DPP4: variants seen among roughly 807,000 people sequenced by gnomAD.
DPP4 encodes dipeptidyl peptidase 4, also known as ADCP-2.
A neutral mutation model predicts 122.4 loss-of-function variants in DPP4; 93 were observed. The observed-to-expected ratio is 0.76, with a 90% CI of 0.64 to 0.90. The LOEUF is 0.90. DPP4 is among the 40% of genes least tolerant of loss of function. The probability of loss-of-function intolerance (pLI) is 0.00; values close to 1 mark genes in which losing one functional copy is unlikely to be tolerated. For synonymous variants in DPP4, 321 were observed against 302.9 expected (o/e 1.06, Z -0.62); for missense variants, 914 against 907.3 (o/e 1.01, Z -0.09).
chr2:162,008,125 A>C (rs989601049), intron 22 of DPP4, among the ~76,000 whole-genome samples: 6 of 152,094 alleles, frequency 3.9e-5, no homozygotes, highest in African/African-American at 1.4e-4. Context: ...ATGAAAAAAA[A>C]CAACAACCCC....
At chr2:162,016,211 A>G (rs1281024862) in intron 18 of DPP4, among the ~76,000 whole-genome samples, 6 of 152,230 alleles carry the variant, frequency 3.9e-5, no homozygotes, top group African/African-American at 7.2e-5. Flanking sequence ...AAAGAAAAAC[A>G]AACAATAAAT....
At chr2:162,025,912 C>T (rs1162162745) in intron 10 of DPP4, among the ~76,000 whole-genome samples, 3 of 152,132 alleles carry the variant, frequency 2.0e-5, no homozygotes, top group Non-Finnish European at 2.9e-5. Context: ...CCCTCTCCTT[C>T]ACAGGCTGGA....
At position 162,020,292 on chromosome 2, in the gene DPP4, C is replaced by G; in HGVS notation, c.1181G>C (p.Cys394Ser). The change falls in exon 14 of 26, where the codon TGC becomes TCC. Residue 394 changes from cysteine (C) to serine (S), a missense_variant. Physicochemically the swap from Cys to Ser is moderately radical, Grantham distance 112. Coordinates refer to ENST00000360534, the MANE Select transcript of DPP4 (RefSeq NM_001935.4). ...ICYFQIDKKD[C>S]TFITKGTWEV... The stretch of plus-strand genomic sequence containing the variant: ...CCAGGTGCCTTTTGTAATAAATGTG[C>G]AGTCCTGATGGTTTTTTTTTTTTTT... 1 of 1,573,824 alleles carries G rather than the reference C, an allele frequency of 6.4e-7. No homozygotes were observed. Among genetic ancestry groups the G allele is most frequent in the Admixed American group, 1.8e-5 (1 of 56,252 alleles).
At chr2:162,031,064 C>A (rs1487210391) in intron 10 of DPP4, among the ~76,000 whole-genome samples, 1 of 152,248 alleles carries the variant, frequency 6.6e-6, no homozygotes, top group Non-Finnish European at 1.5e-5. Context: ...GAGCACTGAG[C>A]ACAGTCCCAG....
Position 162,018,796 on chromosome 2 carries a change from C to T in DPP4, c.1353G>A (p.Pro451=). ...KVTCLSCELN[P]ERCQYYSVSF... ...ACACAGAATAGTACTGACACCTTTCCGGATTCAGCTCACAACTGAGGCATG... is the reference window on the plus strand; with the variant it reads ...ACACAGAATAGTACTGACACCTTTCTGGATTCAGCTCACAACTGAGGCATG... The change falls in exon 16 of 26, where the codon CCG becomes CCA. Residue 451 remains proline, a synonymous_variant. Transcript: ENST00000360534. The T allele has an allele frequency of 1.9e-6, 3 of 1,614,102 alleles. No individual in the cohort carries two copies. The highest frequency in any genetic ancestry group is 1.1e-5 in the South Asian group (1 of 91,064).
intron 2 of DPP4, among the ~76,000 whole-genome samples, chr2:162,055,541 C>CA (rs1431945071): frequency 6.6e-6 from 1 of 151,114 alleles, no homozygotes; most frequent in South Asian, 2.1e-4. Context: ...TACTAAAATA[C>CA]AAAAAAAAGT....
intron 4 of DPP4, among the ~76,000 whole-genome samples, chr2:162,046,325 G>A (rs150078573): frequency 4.6e-5 from 7 of 152,200 alleles, no homozygotes; most frequent in South Asian, 4.2e-4. Flanking sequence ...GAGAATTGTC[G>A]CCAACTATGG....
At position 162,022,770 on chromosome 2, in the gene DPP4, A is replaced by G. The variant is rs1476219375; in HGVS notation, c.1053T>C (p.Thr351=). The stretch of plus-strand genomic sequence containing the variant: ...TAACACTTACTCTTCCAACCCAGCC[A>G]GTAGTACTCATTTCAATGTGTTGCC... ...VARQHIEMST[T]GWVGRFRPSE... is the part of the protein sequence containing the mutation. The change falls in exon 12 of 26, where the codon ACT becomes ACC. Residue 351 remains threonine, a synonymous_variant. Coordinates refer to ENST00000360534, the MANE Select transcript of DPP4 (RefSeq NM_001935.4). The G allele has an allele frequency of 1.9e-6, 3 of 1,613,978 alleles. No individual in the cohort carries two copies. The highest frequency in any genetic ancestry group is 2.5e-6 in the Non-Finnish European group (3 of 1,180,010).
At position 162,033,661 on chromosome 2, in the gene DPP4, A is replaced by G; in HGVS notation, c.775-8T>C. On this transcript the variant is annotated splice_region_variant and splice_polypyrimidine_tract_variant and intron_variant, in intron 9 of 25. Transcript: ENST00000360534. ...TGGATTCACAGCTCCTGCCTAGGAA[A>G]AAATAATCACAGAATTGGTATTGAC... 1 of 1,594,640 alleles carries G rather than the reference A, an allele frequency of 6.3e-7. No homozygotes were observed. The highest frequency in any genetic ancestry group is 8.5e-7 in the Non-Finnish European group (1 of 1,170,778).
At chr2:162,013,021 A>C (rs1242163139) in intron 19 of DPP4, among the ~76,000 whole-genome samples, 1 of 152,158 alleles carries the variant, frequency 6.6e-6, no homozygotes, top group Non-Finnish European at 1.5e-5. Context: ...ATTTTTTCAC[A>C]TGTGAAATGC....
At position 161,995,360 on chromosome 2, in the gene DPP4, T is replaced by C. The variant is rs781533194; in HGVS notation, c.2065A>G (p.Met689Val). 2 of 1,613,862 alleles carry C rather than the reference T, an allele frequency of 1.2e-6. No homozygotes were observed. Among genetic ancestry groups the C allele is most frequent in the Non-Finnish European group, 1.7e-6 (2 of 1,179,744 alleles). ...NLDHYRNSTV[M>V]SRAENFKQVE... ...TGTTTAAAATTTTCAGCTCTGCTCA[T>C]GACTGTTGAATTCTGGAATTGGGAG... The change falls in exon 24 of 26, where the codon ATG becomes GTG. Residue 689 changes from methionine to valine, a missense_variant. Transcript: ENST00000360534.
chr2:162,002,888 A>T (rs1701187000), intron 23 of DPP4, among the ~76,000 whole-genome samples: 1 of 152,180 alleles, frequency 6.6e-6, no homozygotes. Context: ...AGGCACTTAG[A>T]TTCAGTTCTC....
chr2:162,007,483 C>T (rs115067181), intron 22 of DPP4, among the ~76,000 whole-genome samples: 2,198 of 152,080 alleles, frequency 0.014, 58 homozygotes, highest in African/African-American at 0.051. Context: ...TTTACGTATT[C>T]CTTTTGTCCC....
intron 4 of DPP4, 120 bp from the exon 5 acceptor site, chr2:162,045,732 C>A (rs1684149906): frequency 5.9e-6 from 4 of 677,636 alleles, no homozygotes; most frequent in Middle Eastern, 2.5e-4. Flanking sequence ...AAGTCCTAAT[C>A]TAGCAGAGGT....
chr2:162,029,117 T>C (rs752627651), intron 10 of DPP4, among the ~76,000 whole-genome samples: 3 of 152,238 alleles, frequency 2.0e-5, no homozygotes, highest in African/African-American at 4.8e-5. Flanking sequence ...GAGAGACTTG[T>C]TGAAAATCAC....
At position 162,005,019 on chromosome 2, in the gene DPP4, G is replaced by A. The variant is rs1440047379; in HGVS notation, c.2052+726C>T. ...AGCAAAGTTTTGGAATGATCAAAGT[G>A]CCAGAAGGGTCCCTAGTACTTATGC... On this transcript the variant is annotated intron_variant, in intron 23 of 25. Coordinates refer to ENST00000360534, the MANE Select transcript of DPP4 (RefSeq NM_001935.4). 3.9e-5 allele frequency among the ~76,000 whole-genome samples: 6 copies of A among 152,180 alleles called. 1 individual carries two copies. The highest frequency in any genetic ancestry group is 1.4e-4 in the African/African-American group (6 of 41,446).
At chr2:161,998,586 A>T (rs1270810056) in intron 23 of DPP4, among the ~76,000 whole-genome samples, 1 of 152,216 alleles carries the variant, frequency 6.6e-6, no homozygotes, top group Non-Finnish European at 1.5e-5. Flanking sequence ...GAGAAATGTC[A>T]TTGAAACATA....
intron 18 of DPP4, among the ~76,000 whole-genome samples, chr2:162,015,288 C>A (rs2909451): frequency 6.6e-6 from 1 of 151,800 alleles, no homozygotes; most frequent in Non-Finnish European, 1.5e-5. Context: ...ATGTTTGTTA[C>A]GATTATTTTA....
intron 2 of DPP4, among the ~76,000 whole-genome samples, chr2:162,056,027 T>C (rs1029151451): frequency 3.9e-5 from 6 of 152,126 alleles, no homozygotes; most frequent in Admixed American, 2.6e-4. Context: ...GGAATGTTCT[T>C]CCCCCAGATA....
Sources: gnomAD v4.1 joint callset for allele counts (sites outside exome capture counted in the v4.1 genomes callset) on GRCh38, gnomAD v4.1.1 for gene constraint, MANE v1.5 for transcripts, NCBI Gene and HGNC (gene_info 2026-07-23, HGNC 2026-07-21) for gene names.